Variants in CSMD1 observed in about 807,000 individuals in gnomAD.
CSMD1 encodes CUB and sushi domain-containing protein 1.
A neutral mutation model predicts 417.5 loss-of-function variants in CSMD1; 213 were observed. That is an observed-to-expected ratio of 0.51 (90% CI 0.46 to 0.57). CSMD1 has a LOEUF of 0.57. Among genes scored for constraint, CSMD1 ranks in the 20% least tolerant of loss-of-function variants. CSMD1 has a pLI of 0.00. For synonymous variants in CSMD1, 2,862 were observed against 1,736.8 expected (o/e 1.65, Z -16.11); for missense variants, 6,923 against 4,529.7 (o/e 1.53, Z -15.17).
chr8:3,886,050 C>T (rs1313131788), intron 5 of CSMD1, among the ~76,000 whole-genome samples: 3 of 151,578 alleles, frequency 2.0e-5, no homozygotes, highest in Admixed American at 1.3e-4. Context: ...TATACAGACA[C>T]ATTTATTATT....
chr8:3,040,863 C>CT (rs1218726331), intron 50 of CSMD1, among the ~76,000 whole-genome samples: 1 of 152,110 alleles, frequency 6.6e-6, no homozygotes, highest in Non-Finnish European at 1.5e-5. Flanking sequence ...CGAAAATAAT[C>CT]TGTTAGAATA....
In CSMD1 at chr8:3,586,193, A is replaced by T; in HGVS notation, c.1165T>A (p.Cys389Ser). ...YVLQGSKSIT[C>S]QRVTETLAAW... Reference sequence around the variant, plus strand: ...GCGAGCGTCTCTGTAACTCTCTGACAGGTGATGCTTTTAGATCCCTGGAGC... The same window carrying T: ...GCGAGCGTCTCTGTAACTCTCTGACTGGTGATGCTTTTAGATCCCTGGAGC... The change falls in exon 9 of 70, where the codon TGT becomes AGT. Residue 389 changes from cysteine (C) to serine (S), a missense_variant. Cys to Ser is a moderately radical substitution (Grantham distance 112). Coordinates refer to ENST00000635120, the MANE Select transcript of CSMD1 (RefSeq NM_033225.6). The T allele has an allele frequency of 6.2e-7, 1 of 1,612,834 alleles. No individual in the cohort carries two copies. Among genetic ancestry groups the T allele is most frequent in the Non-Finnish European group, 8.5e-7 (1 of 1,179,420 alleles).
chr8:3,872,014 T>C (rs1406013429), intron 5 of CSMD1, among the ~76,000 whole-genome samples: 7 of 152,220 alleles, frequency 4.6e-5, no homozygotes, highest in Non-Finnish European at 8.8e-5. Context: ...GTGCAGTGAG[T>C]ATAGTGGTTA....
chr8:4,127,009 C>T (rs1264722545), intron 3 of CSMD1, among the ~76,000 whole-genome samples: 1 of 152,126 alleles, frequency 6.6e-6, no homozygotes, highest in Non-Finnish European at 1.5e-5. Flanking sequence ...AGCCACTGGC[C>T]TACAAAATAT....
At chr8:4,361,837 C>T (rs1363507891) in intron 3 of CSMD1, among the ~76,000 whole-genome samples, 1 of 152,078 alleles carries the variant, frequency 6.6e-6, no homozygotes, top group African/African-American at 2.4e-5. Context: ...CGCCTGTACT[C>T]CCAGCTATTT....
At chr8:4,455,856 G>A (rs1268367750) in intron 2 of CSMD1, among the ~76,000 whole-genome samples, 1 of 136,838 alleles carries the variant, frequency 7.3e-6, no homozygotes, top group Non-Finnish European at 1.5e-5. Context: ...GCTTGAACCT[G>A]GGAGACAGGT....
intron 1 of CSMD1, among the ~76,000 whole-genome samples, chr8:4,672,611 T>G (rs368209540): frequency 2.0e-5 from 3 of 152,138 alleles, no homozygotes; most frequent in East Asian, 1.9e-4. Flanking sequence ...GTGCTACGTA[T>G]GCAGAAAAAT....
intron 1 of CSMD1, among the ~76,000 whole-genome samples, chr8:4,907,640 G>C (rs1477979465): frequency 6.6e-6 from 1 of 151,952 alleles, no homozygotes; most frequent in Non-Finnish European, 1.5e-5. Context: ...GCTCACTGCA[G>C]CCTCAATTTT....
intron 51 of CSMD1, 37 bp downstream of exon 51, chr8:3,029,282 T>A: frequency 6.5e-7 from 1 of 1,546,128 alleles, no homozygotes; most frequent in Non-Finnish European, 8.8e-7. Flanking sequence ...TAATCTAGGA[T>A]GCCGTGACTT....
intron 1 of CSMD1, among the ~76,000 whole-genome samples, chr8:4,985,621 T>G (rs144126103): frequency 1.0e-3 from 158 of 152,344 alleles, no homozygotes; most frequent in Non-Finnish European, 6.0e-4. Context: ...CAGATCACAT[T>G]AATCAATAAA....
chr8:4,713,758 G>C (rs995221612), intron 1 of CSMD1, among the ~76,000 whole-genome samples: 1 of 152,152 alleles, frequency 6.6e-6, no homozygotes, highest in Admixed American at 6.5e-5. Flanking sequence ...CCACGGACAG[G>C]TAAGTTCTGA....
intron 5 of CSMD1, among the ~76,000 whole-genome samples, chr8:3,866,539 G>A (rs551453618): frequency 6.6e-6 from 1 of 152,108 alleles, no homozygotes; most frequent in African/African-American, 2.4e-5. Flanking sequence ...GTACGTTTTG[G>A]TCTTTAAATG....
intron 10 of CSMD1, among the ~76,000 whole-genome samples, chr8:3,509,109 G>T (rs560079451): frequency 2.0e-5 from 3 of 152,264 alleles, no homozygotes; most frequent in Non-Finnish European, 4.4e-5. Context: ...TGCGTGCTCA[G>T]TAGGATTCTT....
chr8:4,595,149 T>A (rs1277336869), intron 2 of CSMD1, among the ~76,000 whole-genome samples: 20 of 152,066 alleles, frequency 1.3e-4, no homozygotes, highest in Non-Finnish European at 2.8e-4. Flanking sequence ...CTCATTTAGT[T>A]TTTCACAGTG....
intron 1 of CSMD1, among the ~76,000 whole-genome samples, chr8:4,738,661 T>A (rs1410950169): frequency 1.3e-5 from 2 of 152,192 alleles, no homozygotes; most frequent in African/African-American, 2.4e-5. Context: ...TTCTGTCATT[T>A]TTTGACAAAG....
chr8:3,311,069 T>G (rs1394351788), intron 23 of CSMD1, among the ~76,000 whole-genome samples: 3 of 148,834 alleles, frequency 2.0e-5, no homozygotes, highest in African/African-American at 7.3e-5. Flanking sequence ...GGAAATACCT[T>G]AAGCAGAAAA....
At chr8:3,610,007 G>A (rs760093279) in intron 8 of CSMD1, among the ~76,000 whole-genome samples, 2 of 151,522 alleles carry the variant, frequency 1.3e-5, no homozygotes, top group Non-Finnish European at 2.9e-5. Context: ...TCAACTTGTT[G>A]GCCAGGCTGG....
At chr8:3,971,843 T>G (rs1012891240) in intron 5 of CSMD1, among the ~76,000 whole-genome samples, 4 of 152,332 alleles carry the variant, frequency 2.6e-5, no homozygotes, top group Admixed American at 2.0e-4. Flanking sequence ...TTGAAATATT[T>G]AGCTTGCCTG....
chr8:3,048,991 T>A (rs930816486), intron 50 of CSMD1, among the ~76,000 whole-genome samples: 1 of 151,772 alleles, frequency 6.6e-6, no homozygotes, highest in African/African-American at 2.4e-5. Context: ...ATGCTGCACA[T>A]CATGCATCAT....
Sources: gnomAD v4.1 joint callset for allele counts (sites outside exome capture counted in the v4.1 genomes callset) on GRCh38, gnomAD v4.1.1 for gene constraint, MANE v1.5 for transcripts, NCBI Gene and HGNC (gene_info 2026-07-23, HGNC 2026-07-21) for gene names.